Variants in GNAQ observed in about 807,000 individuals in gnomAD.
GNAQ encodes the protein G protein subunit alpha q, also known as guanine nucleotide-binding protein G(q) subunit alpha.
GNAQ carries 8 observed loss-of-function variants against 43.9 expected under a neutral mutation model. The ratio of observed to expected loss-of-function variants is 0.18; its 90% confidence interval spans 0.11 to 0.33. GNAQ has a LOEUF of 0.33. Among genes scored for constraint, GNAQ ranks in the 10% least tolerant of loss-of-function variants. The probability of loss-of-function intolerance (pLI) is 1.00; values close to 1 mark genes in which losing one functional copy is unlikely to be tolerated. For synonymous variants in GNAQ, 155 were observed against 170.7 expected (o/e 0.91, Z 0.71); for missense variants, 158 against 450.8 (o/e 0.35, Z 5.88).
intron 1 of GNAQ, among the ~76,000 whole-genome samples, chr9:77,991,448 C>T (rs1823506469): frequency 6.6e-6 from 1 of 152,176 alleles, no homozygotes; most frequent in South Asian, 2.1e-4. Context: ...GTATGCTAAC[C>T]CACACCAGGA....
intron 1 of GNAQ, among the ~76,000 whole-genome samples, chr9:77,967,180 T>G (rs1420266828): frequency 6.6e-6 from 1 of 152,202 alleles, no homozygotes; most frequent in Non-Finnish European, 1.5e-5. Flanking sequence ...ATGCCACTAT[T>G]GCAGAATGGG....
intron 5 of GNAQ, among the ~76,000 whole-genome samples, chr9:77,758,872 G>T (rs1480838911): frequency 2.0e-5 from 3 of 152,042 alleles, no homozygotes; most frequent in African/African-American, 7.2e-5. Flanking sequence ...AAGTACAAAT[G>T]CAAAGGCAAA....
chr9:77,915,944 G>A (rs764361974), intron 2 of GNAQ, among the ~76,000 whole-genome samples: 1 of 152,144 alleles, frequency 6.6e-6, no homozygotes, highest in African/African-American at 2.4e-5. Flanking sequence ...ATTTCCCTCA[G>A]GGGCTGTCAA....
chr9:77,752,476 G>C (rs1451657799), intron 5 of GNAQ, among the ~76,000 whole-genome samples: 1 of 152,198 alleles, frequency 6.6e-6, no homozygotes, highest in Non-Finnish European at 1.5e-5. Flanking sequence ...AATGAAGCTA[G>C]AAGGGAATAT....
At chr9:77,855,049 G>T (rs1370976197) in intron 2 of GNAQ, among the ~76,000 whole-genome samples, 1 of 152,086 alleles carries the variant, frequency 6.6e-6, no homozygotes, top group Admixed American at 6.6e-5. Flanking sequence ...TGACGTCAGT[G>T]GCAACATATG....
chr9:77,811,826 G>A (rs544338245), intron 3 of GNAQ, among the ~76,000 whole-genome samples: 47 of 152,306 alleles, frequency 3.1e-4, no homozygotes, highest in African/African-American at 1.0e-3. Flanking sequence ...ATCCCTGGAG[G>A]AGACCTGAAA....
intron 2 of GNAQ, among the ~76,000 whole-genome samples, chr9:77,840,304 C>G: frequency 6.6e-6 from 1 of 151,412 alleles, no homozygotes; most frequent in Non-Finnish European, 1.5e-5. Context: ...TCTCTGTCCT[C>G]ATTCTCAAAT....
intron 2 of GNAQ, among the ~76,000 whole-genome samples, chr9:77,871,761 T>C (rs1329890993): frequency 6.6e-6 from 1 of 152,152 alleles, no homozygotes; most frequent in East Asian, 1.9e-4. Flanking sequence ...TGATCTATAA[T>C]AGAATTGCAG....
intron 2 of GNAQ, among the ~76,000 whole-genome samples, chr9:77,874,791 A>G (rs1587379786): frequency 6.6e-6 from 1 of 151,862 alleles, no homozygotes; most frequent in East Asian, 1.9e-4. Flanking sequence ...TGCTTGACTA[A>G]TTTTTTGAAT....
chr9:78,000,440 G>A (rs952661037), intron 1 of GNAQ, among the ~76,000 whole-genome samples: 3 of 152,206 alleles, frequency 2.0e-5, no homozygotes, highest in Non-Finnish European at 4.4e-5. Context: ...GTGGCCCAGA[G>A]ATGAGGGATG....
intron 2 of GNAQ, among the ~76,000 whole-genome samples, chr9:77,828,570 A>G (rs1404004785): frequency 1.3e-5 from 2 of 152,238 alleles, no homozygotes; most frequent in Non-Finnish European, 2.9e-5. Flanking sequence ...TGTTTTGTAC[A>G]TAAAGAATTT....
chr9:77,760,776 G>A (rs1233151707), intron 5 of GNAQ, among the ~76,000 whole-genome samples: 8 of 150,764 alleles, frequency 5.3e-5, no homozygotes, highest in African/African-American at 9.8e-5. Flanking sequence ...GCCTCTTCCC[G>A]GCCGCCATCC....
At chr9:77,940,691 C>T (rs780626070) in intron 1 of GNAQ, among the ~76,000 whole-genome samples, 5 of 152,072 alleles carry the variant, frequency 3.3e-5, no homozygotes, top group Admixed American at 2.0e-4. Flanking sequence ...AAGTCGGCTG[C>T]GCGCGGTGGC....
rs186494983 is a variant in GNAQ at position 77,777,031 on chromosome 9, A to C, written c.735+17432T>G. ...GACAGTGTGGTATTGACTTAAAAAAAGACATGTGCATCAGTGTAATAGAAC... is the reference window on the plus strand; with the variant it reads ...GACAGTGTGGTATTGACTTAAAAAACGACATGTGCATCAGTGTAATAGAAC... On this transcript the variant is annotated intron_variant, in intron 5 of 6. Transcript: ENST00000286548. Among the ~76,000 whole-genome samples, 858 of 152,292 alleles carry C rather than the reference A, an allele frequency of 5.6e-3. 11 individuals are homozygous for C. The highest frequency in any genetic ancestry group is 0.019 in the African/African-American group (790 of 41,568).
At chr9:77,759,998 T>TA (rs1825967486) in intron 5 of GNAQ, among the ~76,000 whole-genome samples, 2 of 149,892 alleles carry the variant, frequency 1.3e-5, no homozygotes, top group African/African-American at 4.9e-5. Flanking sequence ...GGGCACAAAG[T>TA]GATCCTCCTA....
intron 1 of GNAQ, among the ~76,000 whole-genome samples, chr9:78,004,861 T>A (rs1461844291): frequency 1.3e-5 from 2 of 151,710 alleles, no homozygotes; most frequent in African/African-American, 4.8e-5. Flanking sequence ...GCAACAAATA[T>A]CTGAGGAGGG....
intron 1 of GNAQ, among the ~76,000 whole-genome samples, chr9:77,942,271 A>C (rs1399826733): frequency 6.6e-6 from 1 of 152,210 alleles, no homozygotes; most frequent in Non-Finnish European, 1.5e-5. Flanking sequence ...CTCTAAGACC[A>C]GCCTTGTGAA....
chr9:77,920,644 T>C (rs1208883159), intron 2 of GNAQ, among the ~76,000 whole-genome samples: 1 of 152,206 alleles, frequency 6.6e-6, no homozygotes, highest in East Asian at 1.9e-4. Context: ...TCCATGCAGC[T>C]TACTCTGGCT....
chr9:77,930,747 T>C (rs1316820938), intron 1 of GNAQ, among the ~76,000 whole-genome samples: 2 of 152,152 alleles, frequency 1.3e-5, no homozygotes, highest in Non-Finnish European at 2.9e-5. Flanking sequence ...AGGAAATTTT[T>C]TCATATCCTC....
Sources: allele counts gnomAD v4.1 joint callset (sites outside exome capture counted in the v4.1 genomes callset), GRCh38; gene constraint gnomAD v4.1.1; transcripts MANE v1.5; gene names NCBI Gene and HGNC (gene_info 2026-07-23, HGNC 2026-07-21).